The following PRKN variants were observed in gnomAD, a reference collection of about 807,000 sequenced individuals.
PRKN encodes the protein parkin RBR E3 ubiquitin protein ligase.
Under a neutral mutation model 59.5 loss-of-function variants are expected in PRKN, and 56 were observed. That is an observed-to-expected ratio of 0.94 (90% CI 0.76 to 1.18). PRKN has a LOEUF of 1.18. Ranked by LOEUF, PRKN falls within the 50% of genes most tolerant of loss-of-function variation. The probability of loss-of-function intolerance (pLI) is 0.00; values close to 1 mark genes in which losing one functional copy is unlikely to be tolerated. For synonymous variants in PRKN, 250 were observed against 222.1 expected, an observed-to-expected ratio of 1.13 and a Z score of -1.12; for missense variants, 657 against 596.4, an observed-to-expected ratio of 1.10 and a Z score of -1.06.
intron 4 of PRKN, among the ~76,000 whole-genome samples, chr6:162,098,237 G>A (rs1472468952): frequency 6.6e-6 from 1 of 152,072 alleles, no homozygotes; most frequent in Non-Finnish European, 1.5e-5. Flanking sequence ...ACTATTATGT[G>A]CTACAGGAGA....
chr6:161,567,150 T>C lies in PRKN; in HGVS notation c.933+2205A>G, dbSNP rs556863187. On this transcript the variant is annotated intron_variant, in intron 8 of 11. Transcript: ENST00000366898. The stretch of plus-strand genomic sequence containing the variant: ...ACCTCCTGGGTTCAAATGCTTCCCA[T>C]GCCTCAGCCTCCAGAGCAGCTGGGA... Among the ~76,000 whole-genome samples the C allele has an allele frequency of 2.0e-5, 3 of 150,888 alleles. No individual in the cohort carries two copies. In the East Asian group the frequency reaches 6.0e-4, roughly 30 times the overall value.
At chr6:162,414,529 A>C (rs1788513003) in intron 2 of PRKN, among the ~76,000 whole-genome samples, 1 of 151,362 alleles carries the variant, frequency 6.6e-6, no homozygotes, top group Non-Finnish European at 1.5e-5. Context: ...AACATGGTGA[A>C]ACCCCTATCT....
At chr6:161,958,176 G>A (rs982494166) in intron 6 of PRKN, among the ~76,000 whole-genome samples, 4 of 152,098 alleles carry the variant, frequency 2.6e-5, no homozygotes, top group African/African-American at 7.2e-5. Flanking sequence ...AGATAAAGAC[G>A]CTTGCATTTA....
chr6:162,059,718 A>T (rs1387483272), intron 4 of PRKN, among the ~76,000 whole-genome samples: 6 of 152,204 alleles, frequency 3.9e-5, no homozygotes, highest in Admixed American at 3.9e-4. Flanking sequence ...CTAATAGGAA[A>T]AATTTGGCTG....
intron 6 of PRKN, among the ~76,000 whole-genome samples, chr6:161,888,718 C>G (rs1463884702): frequency 6.6e-6 from 1 of 152,162 alleles, no homozygotes; most frequent in African/African-American, 2.4e-5. Flanking sequence ...TTCATACCCT[C>G]AGCTCAATCC....
chr6:162,341,467 T>C (rs185815299), intron 2 of PRKN, among the ~76,000 whole-genome samples: 73 of 152,302 alleles, frequency 4.8e-4, no homozygotes, highest in African/African-American at 1.4e-3. Context: ...TGTATGTTTA[T>C]TGTGGCACTG....
At position 161,395,272 on chromosome 6, in the gene PRKN, T is replaced by TGTGTTAAAAGAATAGGAGAGAATCTA. The variant is rs1209827951; in HGVS notation, c.1084-8396_1084-8395insTAGATTCTCTCCTATTCTTTTAACAC. On this transcript the variant is annotated intron_variant, in intron 9 of 11. Coordinates refer to ENST00000366898, the MANE Select transcript of PRKN (RefSeq NM_004562.3). The surrounding 1 kb of genome is among the most constrained non-coding windows in gnomAD (Gnocchi z 5.0). ...TGTTGGTTTTTCGTTTAATGCATGC[T>TGTGTTAAAAGAATAGGAGAGAATCTA]ACAGATGGCTGTCTATTAGCACACG... 6.6e-6 allele frequency among the ~76,000 whole-genome samples: 1 copy of TGTGTTAAAAGAATAGGAGAGAATCTA among 152,292 alleles called. No individual in the cohort carries two copies. Among genetic ancestry groups the TGTGTTAAAAGAATAGGAGAGAATCTA allele is most frequent in the African/African-American group, 2.4e-5 (1 of 41,544 alleles).
intron 1 of PRKN, among the ~76,000 whole-genome samples, chr6:162,690,223 G>A (rs1777725939): frequency 6.6e-6 from 1 of 152,002 alleles, no homozygotes; most frequent in South Asian, 2.1e-4. Flanking sequence ...GCACTTACTA[G>A]GTGCCAAGTA....
intron 6 of PRKN, among the ~76,000 whole-genome samples, chr6:161,862,587 C>T (rs938572633): frequency 6.6e-6 from 1 of 152,108 alleles, no homozygotes; most frequent in African/African-American, 2.4e-5. Context: ...CCTACTGTGA[C>T]CCCAGCCTGG....
intron 6 of PRKN, among the ~76,000 whole-genome samples, chr6:161,803,402 T>C (rs1791171735): frequency 6.6e-6 from 1 of 152,178 alleles, no homozygotes. Context: ...AGGATAGTAG[T>C]GTATGTGACA....
At chr6:162,180,889 C>A (rs1216585220) in intron 4 of PRKN, among the ~76,000 whole-genome samples, 2 of 152,164 alleles carry the variant, frequency 1.3e-5, no homozygotes, top group African/African-American at 4.8e-5. Context: ...AACACAACAG[C>A]CCCAGCTAGA....
Position 161,738,345 on chromosome 6 carries a change from C to T in PRKN, c.871+47427G>A, listed in dbSNP as rs114329451. Among the ~76,000 whole-genome samples, 26 of 152,250 alleles carry T rather than the reference C, an allele frequency of 1.7e-4. 1 individual carries two copies. The highest frequency in any genetic ancestry group is 1.6e-3 in the Admixed American group (25 of 15,298). On this transcript the variant is annotated intron_variant, in intron 7 of 11. Transcript: ENST00000366898. Reference sequence around the variant, plus strand: ...TGTCAGGAAGGACCAGGGGTGCTCCCGTCATCTTTAAAATCTTCCATTCTG... The same window carrying T: ...TGTCAGGAAGGACCAGGGGTGCTCCTGTCATCTTTAAAATCTTCCATTCTG...
chr6:161,855,716 C>T (rs1482090139), intron 6 of PRKN, among the ~76,000 whole-genome samples: 2 of 152,084 alleles, frequency 1.3e-5, no homozygotes, highest in African/African-American at 4.8e-5. Context: ...ATACCTGTTG[C>T]TTCAAATAAT....
At chr6:161,991,823 T>A (rs1001653221) in intron 5 of PRKN, among the ~76,000 whole-genome samples, 1 of 151,776 alleles carries the variant, frequency 6.6e-6, no homozygotes, top group South Asian at 2.1e-4. Flanking sequence ...GCCTGGGTGA[T>A]GAGAGTGAAA....
chr6:161,480,359 T>C lies in PRKN; in HGVS notation c.1083+68495A>G, dbSNP rs368982281. On this transcript the variant is annotated intron_variant, in intron 9 of 11. Transcript: ENST00000366898. This position sits in a 1 kb window ranked among gnomAD's most constrained non-coding sequence, Gnocchi z 4.1. ...GTGAGTATGGGGCCCTGTGTGACTG[T>C]ACAGGTCGCACACTCCAAGCTGGCC... 8.5e-5 allele frequency among the ~76,000 whole-genome samples: 13 copies of C among 152,236 alleles called. No homozygotes were observed. The highest frequency in any genetic ancestry group is 2.9e-4 in the African/African-American group (12 of 41,558).
At chr6:162,259,283 C>T (rs539853175) in intron 3 of PRKN, among the ~76,000 whole-genome samples, 5 of 152,236 alleles carry the variant, frequency 3.3e-5, no homozygotes, top group African/African-American at 9.6e-5. Flanking sequence ...ACCCAGCGTC[C>T]GATTGTTCCG....
At chr6:162,076,699 G>A (rs1211341856) in intron 4 of PRKN, among the ~76,000 whole-genome samples, 3 of 152,008 alleles carry the variant, frequency 2.0e-5, no homozygotes, top group Non-Finnish European at 4.4e-5. Context: ...ACAGGTTTCC[G>A]CAAGAATTTC....
intron 1 of PRKN, among the ~76,000 whole-genome samples, chr6:162,551,785 G>A (rs980035925): frequency 6.6e-6 from 1 of 152,138 alleles, no homozygotes; most frequent in Non-Finnish European, 1.5e-5. Flanking sequence ...CACAATCCTT[G>A]AATATTTCAT....
In PRKN at chr6:162,228,884, C is replaced by T. The variant is rs969842453; in HGVS notation, c.413-27632G>A. On this transcript the variant is annotated intron_variant, in intron 3 of 11. Coordinates refer to ENST00000366898, the MANE Select transcript of PRKN (RefSeq NM_004562.3). ...GTACCATCACTAAGAATAGAACCCA[C>T]AGTAACATCAGCCTAGCCACAAGCT... 2.6e-5 allele frequency among the ~76,000 whole-genome samples: 4 copies of T among 152,278 alleles called. No homozygotes were observed. In the East Asian group the frequency reaches 5.8e-4, roughly 22 times the overall value.
Sources: gnomAD v4.1 joint callset for allele counts (sites outside exome capture counted in the v4.1 genomes callset) on GRCh38, gnomAD v4.1.1 for gene constraint, Gnocchi (gnomAD v3.1) non-coding constraint, MANE v1.5 for transcripts, NCBI Gene and HGNC (gene_info 2026-07-23, HGNC 2026-07-21) for gene names.